PRR16: variants seen among roughly 807,000 people sequenced by gnomAD.
The protein encoded by PRR16 is proline rich 16, also known as protein Largen.
PRR16 carries 6 observed loss-of-function variants against 18.2 expected under a neutral mutation model. The observed-to-expected ratio is 0.33, with a 90% CI of 0.18 to 0.65. The LOEUF (loss-of-function observed/expected upper bound fraction) is 0.65. Among genes scored for constraint, PRR16 ranks in the 30% least tolerant of loss-of-function variants. The pLI, the probability that PRR16 is intolerant of heterozygous loss-of-function variation, is 0.74. For synonymous variants in PRR16, 151 were observed against 147.8 expected (o/e 1.02, Z -0.16); for missense variants, 412 against 376.6 (o/e 1.09, Z -0.78).
chr5:120,716,069 C>CA, the PRR16 span, among the ~76,000 whole-genome samples: 1 of 152,210 alleles, frequency 6.6e-6, no homozygotes. Flanking sequence ...AACAACAAAT[C>CA]AGGAGAGCTT....
chr5:120,494,306 A>G (rs1415488375), intron 1 of PRR16, among the ~76,000 whole-genome samples: 1 of 152,022 alleles, frequency 6.6e-6, no homozygotes, highest in East Asian at 1.9e-4. Flanking sequence ...TCATTTGCTT[A>G]TATGCTGTAC....
chr5:120,488,294 G>A (rs893504272), intron 1 of PRR16, among the ~76,000 whole-genome samples: 5 of 152,000 alleles, frequency 3.3e-5, no homozygotes, highest in African/African-American at 1.2e-4. Flanking sequence ...TTTTTTGGTT[G>A]GTAAGCTATT....
At chr5:120,755,218 AAAAAT>A in the PRR16 span, among the ~76,000 whole-genome samples, 1 of 151,970 alleles carries the variant, frequency 6.6e-6, no homozygotes, top group Non-Finnish European at 1.5e-5. Flanking sequence ...AAAATCTAAA[AAAAAT>A]AAAAAATAAT....
In PRR16 at chr5:120,652,070, A is replaced by G. The variant is rs1284125169; in HGVS notation, c.160-33884A>G. On this transcript the variant is annotated intron_variant, in intron 1 of 1. Coordinates refer to ENST00000407149, the MANE Select transcript of PRR16 (RefSeq NM_001300783.2). ...GTCCCTTGTAAGTCAAATGATTTTT[A>G]TACCTGGATTATTTTTATACTTTCA... Among the ~76,000 whole-genome samples, 5 of 152,156 alleles carry G rather than the reference A, an allele frequency of 3.3e-5. No individual in the cohort carries two copies. In the South Asian group the frequency reaches 8.3e-4, roughly 25 times the overall value.
chr5:120,638,429 C>G (rs1755314080), intron 1 of PRR16, among the ~76,000 whole-genome samples: 1 of 152,044 alleles, frequency 6.6e-6, no homozygotes, highest in African/African-American at 2.4e-5. Flanking sequence ...CACATAGAGG[C>G]TAGAAGAATT....
At chr5:120,739,393 G>A in the PRR16 span, among the ~76,000 whole-genome samples, 281 of 152,228 alleles carry the variant, frequency 1.8e-3, 1 homozygote, top group African/African-American at 5.8e-3. Flanking sequence ...CAGATCACAA[G>A]CCTTTACATG....
chr5:120,743,191 G>C, the PRR16 span, among the ~76,000 whole-genome samples: 53 of 151,888 alleles, frequency 3.5e-4, no homozygotes, highest in African/African-American at 1.2e-3. Context: ...TTCTTCTAAT[G>C]TATTTTATGT....
intron 1 of PRR16, among the ~76,000 whole-genome samples, chr5:120,659,088 C>T (rs1756087058): frequency 6.6e-6 from 1 of 151,830 alleles, no homozygotes; most frequent in Non-Finnish European, 1.5e-5. Flanking sequence ...CTTTCATGAA[C>T]CATACTTTAA....
At chr5:120,566,029 T>C (rs1000957894) in intron 1 of PRR16, among the ~76,000 whole-genome samples, 7 of 152,234 alleles carry the variant, frequency 4.6e-5, no homozygotes, top group South Asian at 2.1e-4. Flanking sequence ...CCAAAACTTA[T>C]GTTGAAATTT....
chr5:120,754,379 C>T, the PRR16 span, among the ~76,000 whole-genome samples: 4 of 30,480 alleles, frequency 1.3e-4, no homozygotes, highest in Non-Finnish European at 1.0e-4. Flanking sequence ...TAATATATAA[C>T]ATATATATTA....
At chr5:120,472,810 G>A (rs376361590) in intron 1 of PRR16, among the ~76,000 whole-genome samples, 2 of 152,168 alleles carry the variant, frequency 1.3e-5, no homozygotes, top group East Asian at 1.9e-4. Context: ...TATAATTCAC[G>A]ACTTTGCAAA....
intron 1 of PRR16, among the ~76,000 whole-genome samples, chr5:120,510,378 G>A (rs1049483170): frequency 6.6e-6 from 1 of 152,190 alleles, no homozygotes; most frequent in Non-Finnish European, 1.5e-5. Context: ...TATGAGAATG[G>A]ATATGTCTTG....
intron 1 of PRR16, among the ~76,000 whole-genome samples, chr5:120,507,206 G>T (rs563501675): frequency 1.3e-5 from 2 of 152,180 alleles, no homozygotes; most frequent in Admixed American, 1.3e-4. Flanking sequence ...AATGCAGTTT[G>T]TATGAGATAT....
chr5:120,542,935 A>G (rs1019108552), intron 1 of PRR16, among the ~76,000 whole-genome samples: 2 of 152,172 alleles, frequency 1.3e-5, no homozygotes, highest in Non-Finnish European at 2.9e-5. Flanking sequence ...GTGTGGTTTT[A>G]TTGCTGTGTT....
upstream of PRR16, chr5:120,464,291 C>T: frequency 1.5e-5 from 6 of 400,404 alleles, no homozygotes; most frequent in Non-Finnish European, 2.5e-5. Context: ...CCGAGCGCCG[C>T]GTCTCGGGAG....
intron 1 of PRR16, among the ~76,000 whole-genome samples, chr5:120,523,570 G>GA (rs1370671205): frequency 6.6e-6 from 1 of 151,940 alleles, no homozygotes; most frequent in East Asian, 1.9e-4. Context: ...ATTCACTGAA[G>GA]AAAAAATTAT....
At position 120,521,427 on chromosome 5, in the gene PRR16, T is replaced by C. The variant is rs546209826; in HGVS notation, c.159+56782T>C. Among the ~76,000 whole-genome samples, 14 of 152,286 alleles carry C rather than the reference T, an allele frequency of 9.2e-5. No homozygotes were observed. In the South Asian group the frequency reaches 2.9e-3, roughly 32 times the overall value. ...ATGGGATATGTGTACTTTGTTTCCA[T>C]ATGACCTGTATATGTATAAGATTAG... On this transcript the variant is annotated intron_variant, in intron 1 of 1. Transcript: ENST00000407149.
chr5:120,719,678 A>G, the PRR16 span, among the ~76,000 whole-genome samples: 1 of 152,114 alleles, frequency 6.6e-6, no homozygotes, highest in African/African-American at 2.4e-5. Context: ...GAAAAATAGC[A>G]TGGCAGCTCT....
chr5:120,524,356 T>C (rs900375151), intron 1 of PRR16, among the ~76,000 whole-genome samples: 1 of 152,162 alleles, frequency 6.6e-6, no homozygotes, highest in South Asian at 2.1e-4. Flanking sequence ...AATTCTTCCT[T>C]AGTAAAGATA....
Sources: gnomAD v4.1 joint callset for allele counts (sites outside exome capture counted in the v4.1 genomes callset) on GRCh38, gnomAD v4.1.1 for gene constraint, MANE v1.5 for transcripts, NCBI Gene and HGNC (gene_info 2026-07-23, HGNC 2026-07-21) for gene names.